Variants in ABCA13 observed in about 807,000 individuals in gnomAD.
The protein encoded by ABCA13 is ATP-binding cassette sub-family A member 13.
In ABCA13, 476 loss-of-function variants were observed where a neutral mutation model predicts 478.7. The observed-to-expected ratio is 0.99, with a 90% CI of 0.92 to 1.07. The LOEUF (loss-of-function observed/expected upper bound fraction) is 1.07. ABCA13 is among the 50% of genes least tolerant of loss of function. ABCA13 has a pLI of 0.00. For missense variants in ABCA13, 6,060 were observed against 5,910.6 expected (o/e 1.03, Z -0.83); for synonymous variants, 2,252 against 2,158.9 (o/e 1.04, Z -1.20).
intron 48 of ABCA13, among the ~76,000 whole-genome samples, chr7:48,503,083 T>C (rs1830897968): frequency 6.6e-6 from 1 of 152,194 alleles, no homozygotes; most frequent in Non-Finnish European, 1.5e-5. Flanking sequence ...TATTTACTTA[T>C]GTATGTATTT....
chr7:48,386,343 A>G (rs1176500070), intron 35 of ABCA13, among the ~76,000 whole-genome samples: 1 of 152,372 alleles, frequency 6.6e-6, no homozygotes, highest in East Asian at 1.9e-4. Flanking sequence ...TGCTATTCTC[A>G]TTAAACTACC....
intron 43 of ABCA13, among the ~76,000 whole-genome samples, chr7:48,460,349 C>T (rs1032306367): frequency 1.5e-4 from 23 of 152,196 alleles, no homozygotes; most frequent in African/African-American, 5.1e-4. Context: ...GGACCATGTC[C>T]TCTCTGAAGG....
At chr7:48,308,947 G>A (rs1801325026) in intron 23 of ABCA13, among the ~76,000 whole-genome samples, 1 of 144,154 alleles carries the variant, frequency 6.9e-6, no homozygotes, top group East Asian at 2.0e-4. Context: ...GATGCTGTAA[G>A]TGCACACTAT....
chr7:48,433,636 T>G (rs1822447257), intron 42 of ABCA13, among the ~76,000 whole-genome samples: 1 of 151,968 alleles, frequency 6.6e-6, no homozygotes, highest in Non-Finnish European at 1.5e-5. Flanking sequence ...CAGAACTTTT[T>G]TATCTTCTCA....
rs1356647194 is a variant in ABCA13 at position 48,484,919 on chromosome 7, C to T, written c.13182+1756C>T. Among the ~76,000 whole-genome samples, 6 of 152,276 alleles carry T rather than the reference C, an allele frequency of 3.9e-5. No homozygotes were observed. The South Asian group carries it at 6.2e-4, about 16-fold the overall frequency. ...ATTGCATTTATCTTTCTGTAATGAC[C>T]GGCTTTTTCTTTCAGCCCTTAGGCT... is the stretch of plus-strand genomic sequence containing the variant. On this transcript the variant is annotated intron_variant, in intron 47 of 61. Transcript: ENST00000435803.
intron 28 of ABCA13, among the ~76,000 whole-genome samples, chr7:48,335,944 T>A (rs1340456272): frequency 1.3e-5 from 2 of 152,230 alleles, no homozygotes; most frequent in Non-Finnish European, 2.9e-5. Flanking sequence ...AGTCTGACAA[T>A]CATTAATATA....
chr7:48,357,589 T>G (rs1326866472), intron 31 of ABCA13, among the ~76,000 whole-genome samples: 2 of 152,102 alleles, frequency 1.3e-5, no homozygotes, highest in Admixed American at 6.5e-5. Flanking sequence ...TCTATGTTCT[T>G]TCCCTCAACA....
chr7:48,565,955 G>T (rs1365710332), intron 55 of ABCA13, among the ~76,000 whole-genome samples: 2 of 152,156 alleles, frequency 1.3e-5, no homozygotes, highest in Admixed American at 6.6e-5. Flanking sequence ...GAAAGGGCAG[G>T]TGGTAAACTG....
At chr7:48,457,329 C>T (rs1448920226) in intron 43 of ABCA13, among the ~76,000 whole-genome samples, 1 of 144,488 alleles carries the variant, frequency 6.9e-6, no homozygotes, top group Non-Finnish European at 1.5e-5. Flanking sequence ...CTGACTTCTT[C>T]ACCCTCCTCC....
chr7:48,300,099 C>A (rs192823562), intron 23 of ABCA13, among the ~76,000 whole-genome samples: 108 of 152,300 alleles, frequency 7.1e-4, no homozygotes, highest in African/African-American at 2.5e-3. Context: ...ACTTTGGATA[C>A]TTGTTTTTTC....
chr7:48,228,145 T>A (rs1788508799), intron 6 of ABCA13, among the ~76,000 whole-genome samples: 1 of 152,254 alleles, frequency 6.6e-6, no homozygotes, highest in South Asian at 2.1e-4. Flanking sequence ...TTTTAACTGT[T>A]ACTTATTCTA....
Position 48,295,813 on chromosome 7 carries a change from G to C in ABCA13, c.9069G>C (p.Gln3023His). Residue 3023 changes from glutamine to histidine, a missense_variant, in exon 21 of 62, where the codon CAG (glutamine) becomes CAC (histidine). Transcript: ENST00000435803. ...GCAGCTTGGAAAATGCCACTGGCCA[G>C]GACTGCACAAGCCAGCCGAGGCTGG... ...FKSSLENATGQDCTSQPRLET... is the reference protein window; with the variant it reads ...FKSSLENATGHDCTSQPRLET... 1 of 1,613,910 alleles carries C rather than the reference G, an allele frequency of 6.2e-7. No homozygotes were observed. The highest frequency in any genetic ancestry group is 1.3e-5 in the African/African-American group (1 of 75,048).
chr7:48,228,020 G>A (rs1788486758), intron 6 of ABCA13, among the ~76,000 whole-genome samples: 1 of 152,178 alleles, frequency 6.6e-6, no homozygotes, highest in African/African-American at 2.4e-5. Context: ...GGCTTCTTAT[G>A]CCTTAATCAG....
At chr7:48,559,159 C>T (rs1786185189) in intron 55 of ABCA13, among the ~76,000 whole-genome samples, 1 of 152,162 alleles carries the variant, frequency 6.6e-6, no homozygotes, top group Non-Finnish European at 1.5e-5. Context: ...GAGAAGCTGT[C>T]TGGGATCCAG....
chr7:48,173,201 C>T (rs1794384225), intron 1 of ABCA13, among the ~76,000 whole-genome samples: 1 of 152,238 alleles, frequency 6.6e-6, no homozygotes, highest in Non-Finnish European at 1.5e-5. Flanking sequence ...GTGGTAACTC[C>T]TGCATCCCAC....
chr7:48,178,975 C>CCAATAATAATAATAA (rs746825836), intron 1 of ABCA13, among the ~76,000 whole-genome samples: 3 of 142,076 alleles, frequency 2.1e-5, no homozygotes, highest in African/African-American at 7.7e-5. Flanking sequence ...AAAACAAAAA[C>CCAATAATAATAATAA]TAATAATAAT....
At chr7:48,589,203 A>G (rs755680516) in intron 57 of ABCA13, among the ~76,000 whole-genome samples, 1 of 152,204 alleles carries the variant, frequency 6.6e-6, no homozygotes, top group Admixed American at 6.5e-5. Context: ...TGAAGGAGAA[A>G]GCTTCAAGTT....
Position 48,376,473 on chromosome 7 carries a change from G to A in ABCA13, c.11236G>A (p.Glu3746Lys). ...ATGGAATAATATGTACCAGGCTCTGGAACAAGGGGGCATGACATTTGGCTG... is the reference window on the plus strand; with the variant it reads ...ATGGAATAATATGTACCAGGCTCTGAAACAAGGGGGCATGACATTTGGCTG... The part of the protein sequence containing the change: ...IQWNNMYQAL[E>K]QGGMTFGWVC... The change falls in exon 35 of 62, where the codon GAA becomes AAA. Residue 3746 changes from glutamate (E) to lysine (K), a missense_variant. Glu to Lys is a moderately conservative substitution (Grantham distance 56). Coordinates refer to ENST00000435803, the MANE Select transcript of ABCA13 (RefSeq NM_152701.5). The A allele has an allele frequency of 1.2e-6, 2 of 1,613,824 alleles. No individual in the cohort carries two copies. Among genetic ancestry groups the A allele is most frequent in the Non-Finnish European group, 1.7e-6 (2 of 1,179,836 alleles).
At chr7:48,629,340 T>G (rs1793948528) in intron 59 of ABCA13, among the ~76,000 whole-genome samples, 1 of 152,136 alleles carries the variant, frequency 6.6e-6, no homozygotes, top group Admixed American at 6.5e-5. Flanking sequence ...AAACATAGCC[T>G]AACCAAGGAA....
Sources: gnomAD v4.1 joint callset for allele counts (sites outside exome capture counted in the v4.1 genomes callset) on GRCh38, gnomAD v4.1.1 for gene constraint, MANE v1.5 for transcripts, NCBI Gene and HGNC (gene_info 2026-07-23, HGNC 2026-07-21) for gene names.